Variants in CTNND2 observed in about 807,000 individuals in gnomAD.
CTNND2 encodes catenin delta 2.
Under a neutral mutation model 144.4 loss-of-function variants are expected in CTNND2, and 22 were observed. The ratio of observed to expected loss-of-function variants is 0.15; its 90% CI spans 0.11 to 0.22. CTNND2 has a LOEUF of 0.22. Among genes scored for constraint, CTNND2 ranks in the 10% least tolerant of loss-of-function variants. The pLI, the probability that CTNND2 is intolerant of heterozygous loss-of-function variation, is 1.00. For missense variants in CTNND2, 1,353 were observed against 1,618.8 expected (o/e 0.84, Z 2.82); for synonymous variants, 751 against 695.6 (o/e 1.08, Z -1.25).
intron 2 of CTNND2, among the ~76,000 whole-genome samples, chr5:11,635,910 G>A (rs910759179): frequency 4.6e-5 from 7 of 151,928 alleles, no homozygotes; most frequent in Non-Finnish European, 7.4e-5. Context: ...GTATTTTGGA[G>A]TATCTTTTTT....
intron 2 of CTNND2, among the ~76,000 whole-genome samples, chr5:11,701,762 G>A (rs1302753758): frequency 6.6e-6 from 1 of 152,138 alleles, no homozygotes; most frequent in Non-Finnish European, 1.5e-5. Context: ...TAAAATATAT[G>A]AAGTATTTAT....
At chr5:11,873,890 A>T (rs1340621705) in intron 1 of CTNND2, among the ~76,000 whole-genome samples, 1 of 152,212 alleles carries the variant, frequency 6.6e-6, no homozygotes, top group Non-Finnish European at 1.5e-5. Context: ...TGGTGACACA[A>T]GCCCCCACTG....
intron 2 of CTNND2, among the ~76,000 whole-genome samples, chr5:11,672,421 G>T (rs1783922047): frequency 6.6e-6 from 1 of 152,150 alleles, no homozygotes; most frequent in East Asian, 1.9e-4. Flanking sequence ...CAGGGAGATG[G>T]GGGTTTTATC....
intron 1 of CTNND2, among the ~76,000 whole-genome samples, chr5:11,882,455 A>G (rs1736190715): frequency 6.6e-6 from 1 of 152,026 alleles, no homozygotes; most frequent in South Asian, 2.1e-4. Flanking sequence ...AGGATAATAA[A>G]TAATAAGGGT....
At chr5:11,445,452 G>A (rs1764710483) in intron 3 of CTNND2, among the ~76,000 whole-genome samples, 1 of 152,156 alleles carries the variant, frequency 6.6e-6, no homozygotes, top group Non-Finnish European at 1.5e-5. Flanking sequence ...GAACTAAACG[G>A]TGGGTTGAGT....
chr5:11,887,270 AC>A (rs2127088704), intron 1 of CTNND2, among the ~76,000 whole-genome samples: 1 of 152,282 alleles, frequency 6.6e-6, no homozygotes, highest in Non-Finnish European at 1.5e-5. Flanking sequence ...GGCAGGAGCC[AC>A]CACATCCGGC....
intron 8 of CTNND2, among the ~76,000 whole-genome samples, chr5:11,364,318 G>GA (rs954737986): frequency 6.6e-5 from 10 of 152,036 alleles, no homozygotes; most frequent in South Asian, 2.1e-4. Context: ...ACAATATCAT[G>GA]AAAAAAACAC....
intron 9 of CTNND2, among the ~76,000 whole-genome samples, chr5:11,246,383 G>T (rs1262658217): frequency 6.6e-6 from 1 of 152,060 alleles, no homozygotes; most frequent in African/African-American, 2.4e-5. Context: ...AGTCAAAAGA[G>T]AGTGCCCTCA....
intron 1 of CTNND2, among the ~76,000 whole-genome samples, chr5:11,860,464 T>C (rs1661166959): frequency 6.6e-6 from 1 of 152,346 alleles, no homozygotes; most frequent in Admixed American, 6.5e-5. Context: ...AGCTCATCTG[T>C]AAATTTCACC....
intron 2 of CTNND2, among the ~76,000 whole-genome samples, chr5:11,669,358 T>C (rs766336968): frequency 6.6e-6 from 1 of 152,166 alleles, no homozygotes. Flanking sequence ...TCTTTGTACC[T>C]CTGGTAGAAT....
intron 3 of CTNND2, among the ~76,000 whole-genome samples, chr5:11,516,639 C>G (rs3891469): frequency 6.6e-6 from 1 of 151,888 alleles, no homozygotes; most frequent in Non-Finnish European, 1.5e-5. Flanking sequence ...AAATGTATAT[C>G]ATGAAAATAA....
At chr5:11,164,058 C>T (rs989619185) in intron 11 of CTNND2, among the ~76,000 whole-genome samples, 4 of 152,090 alleles carry the variant, frequency 2.6e-5, no homozygotes, top group Admixed American at 6.6e-5. Flanking sequence ...CTGGGGGCTG[C>T]CTGCATCGCA....
chr5:11,197,936 T>TAAATGAATC (rs1737038878), intron 11 of CTNND2, among the ~76,000 whole-genome samples: 1 of 152,342 alleles, frequency 6.6e-6, no homozygotes, highest in East Asian at 1.9e-4. Flanking sequence ...TTTCAAATCA[T>TAAATGAATC]AAATGAATCC....
chr5:11,191,239 T>C (rs916294265), intron 11 of CTNND2, among the ~76,000 whole-genome samples: 1 of 152,058 alleles, frequency 6.6e-6, no homozygotes, highest in Non-Finnish European at 1.5e-5. Flanking sequence ...GCAATCTTCG[T>C]AGGGATAGGG....
intron 11 of CTNND2, among the ~76,000 whole-genome samples, chr5:11,189,371 G>A (rs767980645): frequency 6.6e-5 from 10 of 151,992 alleles, no homozygotes; most frequent in Non-Finnish European, 8.8e-5. Context: ...TTTGAACTGC[G>A]CAGGTACACT....
intron 9 of CTNND2, among the ~76,000 whole-genome samples, chr5:11,290,012 C>T (rs1481913558): frequency 6.6e-6 from 1 of 152,182 alleles, no homozygotes; most frequent in Non-Finnish European, 1.5e-5. Context: ...AAAATGGTTC[C>T]CTTTGCAACT....
intron 3 of CTNND2, among the ~76,000 whole-genome samples, chr5:11,444,912 G>A (rs531967710): frequency 6.6e-6 from 1 of 152,272 alleles, no homozygotes; most frequent in South Asian, 2.1e-4. Context: ...GCGTAGCCAT[G>A]AGGGGATCAG....
chr5:11,082,164 C>G (rs993381579), intron 16 of CTNND2, among the ~76,000 whole-genome samples: 1 of 152,152 alleles, frequency 6.6e-6, no homozygotes, highest in Admixed American at 6.5e-5. Flanking sequence ...CTAGAACAGG[C>G]CTGGAACAAA....
chr5:11,011,886 A>C (rs2149525260), intron 18 of CTNND2, among the ~76,000 whole-genome samples: 1 of 152,308 alleles, frequency 6.6e-6, no homozygotes, highest in East Asian at 1.9e-4. Context: ...GAAAGGAGAA[A>C]GACCGTGGGA....
Sources: allele counts gnomAD v4.1 joint callset (sites outside exome capture counted in the v4.1 genomes callset), GRCh38; gene constraint gnomAD v4.1.1; transcripts MANE v1.5; gene names NCBI Gene and HGNC (gene_info 2026-07-23, HGNC 2026-07-21).